The following FGD3 variants were observed in gnomAD, a reference collection of about 807,000 sequenced individuals.
FGD3 encodes the protein FYVE, RhoGEF and PH domain-containing protein 3.
A neutral mutation model predicts 71.8 loss-of-function variants in FGD3; 45 were observed. The observed-to-expected ratio is 0.63, with a 90% CI of 0.49 to 0.80. The LOEUF (loss-of-function observed/expected upper bound fraction) is 0.80, where lower values mean the gene tolerates loss of function less well. Among genes scored for constraint, FGD3 ranks in the 30% least tolerant of loss-of-function variants. The probability of loss-of-function intolerance (pLI) is 0.00; values close to 1 mark genes in which losing one functional copy is unlikely to be tolerated. For synonymous variants in FGD3, 378 were observed against 392.8 expected (o/e 0.96, Z 0.44); for missense variants, 844 against 951.5 (o/e 0.89, Z 1.49).
At chr9:93,007,391 A>G (rs572708344) in intron 6 of FGD3, among the ~76,000 whole-genome samples, 1 of 152,292 alleles carries the variant, frequency 6.6e-6, no homozygotes, top group Admixed American at 6.5e-5. Flanking sequence ...CGCCTGGCCC[A>G]GAATTTTTTA....
intron 7 of FGD3, 146 bp from the exon 8 acceptor site, chr9:93,011,068 C>T (rs1861341566): frequency 1.3e-6 from 1 of 790,184 alleles, no homozygotes; most frequent in Non-Finnish European, 2.1e-6. Context: ...TCCTCTGGGC[C>T]AGTCCTCTAG....
intron 10 of FGD3, 135 bp from the exon 11 acceptor site, chr9:93,018,001 C>T (rs1182367399): frequency 1.3e-6 from 1 of 799,238 alleles, no homozygotes; most frequent in Non-Finnish European, 2.1e-6. Context: ...CTGCACCCCT[C>T]TCCCTGCAGA....
chr9:92,952,382 A>G (rs1428699294), intron 1 of FGD3, among the ~76,000 whole-genome samples: 3 of 151,650 alleles, frequency 2.0e-5, no homozygotes, highest in Non-Finnish European at 4.4e-5. Context: ...GACTACAGGC[A>G]CCCGCCACCA....
intron 3 of FGD3, among the ~76,000 whole-genome samples, chr9:92,980,533 T>C (rs1859947747): frequency 6.6e-6 from 1 of 152,116 alleles, no homozygotes; most frequent in Admixed American, 6.5e-5. Context: ...AGTTTCTTGA[T>C]GTGCAGAGTT....
chr9:93,019,809 C>G (rs773443561), intron 11 of FGD3, 22 bp from the exon 12 acceptor site: 1 of 1,612,890 alleles, frequency 6.2e-7, no homozygotes, highest in Admixed American at 1.7e-5. Flanking sequence ...TGGATTAATA[C>G]AAGACCGTTT....
intron 8 of FGD3, among the ~76,000 whole-genome samples, chr9:93,012,300 C>T (rs1352403566): frequency 6.6e-6 from 1 of 152,130 alleles, no homozygotes; most frequent in African/African-American, 2.4e-5. Context: ...CCAAAACTCA[C>T]ACACCTCTCA....
chr9:93,012,534 C>T (rs551343012), intron 8 of FGD3, among the ~76,000 whole-genome samples: 1 of 152,262 alleles, frequency 6.6e-6, no homozygotes, highest in East Asian at 1.9e-4. Flanking sequence ...GCTGTAATCC[C>T]AGCACTTTGG....
chr9:93,018,798 C>T (rs970968959), intron 11 of FGD3, among the ~76,000 whole-genome samples: 1 of 152,222 alleles, frequency 6.6e-6, no homozygotes, highest in African/African-American at 2.4e-5. Context: ...CCTCTGCCCA[C>T]CTCCTGTTCA....
At position 93,032,764 on chromosome 9, in the gene FGD3, G is replaced by C; in HGVS notation, c.1681-5G>C. ...CTGGGGTCACACGTGCCCTCTGTTT[G>C]GCAGGTCATCTGTGGGAAGTGCTCC... On this transcript the variant is annotated splice_region_variant and splice_polypyrimidine_tract_variant and intron_variant, in intron 15 of 17. Coordinates refer to ENST00000375482, the MANE Select transcript of FGD3 (RefSeq NM_001083536.2). 1 of 1,613,894 alleles carries C rather than the reference G, an allele frequency of 6.2e-7. No homozygotes were observed. Among genetic ancestry groups the C allele is most frequent in the East Asian group, 2.2e-5 (1 of 44,894 alleles).
chr9:92,988,026 A>AT (rs1289187039), intron 3 of FGD3, among the ~76,000 whole-genome samples: 1 of 152,146 alleles, frequency 6.6e-6, no homozygotes. Flanking sequence ...CCAATGCAGG[A>AT]TTTTTTGCTC....
Position 93,010,350 on chromosome 9 carries a change from C to A in FGD3, c.942C>A (p.Leu314=), listed in dbSNP as rs766538244. ...TGCTCAAGGACTATCTGAAGAGGCT[C>A]CCGCAGGACGCCCCAGACCGGAAGG... The part of the protein sequence containing the change: ...ELLLKDYLKR[L]PQDAPDRKDA... The change falls in exon 7 of 18, where the codon CTC becomes CTA. Residue 314 remains leucine, a synonymous_variant. Transcript: ENST00000375482. 1.9e-6 allele frequency: 3 copies of A among 1,612,994 alleles called. No individual in the cohort carries two copies. In the African/African-American group the frequency reaches 4.0e-5, roughly 22 times the overall value.
intron 1 of FGD3, among the ~76,000 whole-genome samples, chr9:92,962,114 C>T (rs1332435893): frequency 6.6e-6 from 1 of 152,166 alleles, no homozygotes; most frequent in African/African-American, 2.4e-5. Flanking sequence ...CACTTCCTCC[C>T]ACTCACCCCA....
rs540990003 is a variant in FGD3, at chr9:92,969,151, C to T, written c.-217-6087C>T. On this transcript the variant is annotated intron_variant, in intron 1 of 17. Transcript: ENST00000375482. This position sits in a 1 kb window ranked among gnomAD's most constrained non-coding sequence, Gnocchi z 4.5. ...GGGTAACCCACAAGGGAGATCTTGT[C>T]GTCATCATCCCTCATGATTCTGGGC... is the stretch of plus-strand genomic sequence containing the variant. Among the ~76,000 whole-genome samples the T allele has an allele frequency of 2.6e-5, 4 of 152,364 alleles. No homozygotes were observed. The highest frequency in any genetic ancestry group is 4.8e-5 in the African/African-American group (2 of 41,588).
intron 14 of FGD3, among the ~76,000 whole-genome samples, chr9:93,027,441 C>G (rs954686049): frequency 2.6e-5 from 4 of 152,138 alleles, no homozygotes; most frequent in African/African-American, 7.2e-5. Flanking sequence ...ATGGTCTTCC[C>G]TCTGTGTCTC....
rs1011385209 is a variant in FGD3 at position 93,003,586 on chromosome 9, C to T, written c.544-415C>T. ...AGTACTTGGGACAGGGTTTGCCACT[C>T]ATCTCTATCCACATGACAACGTGGG... is the stretch of plus-strand genomic sequence containing the variant. On this transcript the variant is annotated intron_variant, in intron 4 of 17. Coordinates refer to ENST00000375482, the MANE Select transcript of FGD3 (RefSeq NM_001083536.2). The surrounding 1 kb of genome is among the most constrained non-coding windows in gnomAD (Gnocchi z 4.1). Among the ~76,000 whole-genome samples the T allele has an allele frequency of 1.3e-5, 2 of 152,196 alleles. No homozygotes were observed. The highest frequency in any genetic ancestry group is 2.4e-5 in the African/African-American group (1 of 41,448).
At chr9:93,027,715 C>CTTTTTT (rs1199094054) in intron 14 of FGD3, among the ~76,000 whole-genome samples, 174 of 101,970 alleles carry the variant, frequency 1.7e-3, no homozygotes, top group African/African-American at 1.8e-3. Flanking sequence ...TTCTTTCTTT[C>CTTTTTT]TTTTTTTTTT....
Position 93,035,505 on chromosome 9 carries a change from A to G in FGD3, c.2094A>G (p.Leu698=), listed in dbSNP as rs1311043737. 1.9e-6 allele frequency: 3 copies of G among 1,612,958 alleles called. No homozygotes were observed. Among genetic ancestry groups the G allele is most frequent in the African/African-American group, 1.3e-5 (1 of 74,892 alleles). The change falls in exon 18 of 18, where the codon CTA becomes CTG. Residue 698 remains leucine (L), a synonymous_variant. Transcript: ENST00000375482. ...AELQQQWLET[L]STAAHGDTAQ... ...TGCAGCAGCAGTGGCTGGAAACCCT[A>G]AGCACTGCTGCCCATGGGGACACGG...
At chr9:92,953,649 A>G (rs185568649) in intron 1 of FGD3, among the ~76,000 whole-genome samples, 1 of 152,190 alleles carries the variant, frequency 6.6e-6, no homozygotes. Flanking sequence ...CGGGCCTCAC[A>G]GTTCCAGATC....
At chr9:93,015,568 A>C (rs1026292519) in intron 9 of FGD3, 169 bp from the exon 10 acceptor site, 3 of 476,588 alleles carry the variant, frequency 6.3e-6, no homozygotes, top group Non-Finnish European at 1.1e-5. Flanking sequence ...GAGTCTCCTC[A>C]CTCAAAGATG....
Sources: allele counts gnomAD v4.1 joint callset (sites outside exome capture counted in the v4.1 genomes callset), GRCh38; gene constraint gnomAD v4.1.1; non-coding constraint Gnocchi (gnomAD v3.1); transcripts MANE v1.5; gene names NCBI Gene and HGNC (gene_info 2026-07-23, HGNC 2026-07-21).